CAMTA1: variants seen among roughly 807,000 people sequenced by gnomAD.
CAMTA1 encodes calmodulin-binding transcription activator 1.
Under a neutral mutation model 170.9 loss-of-function variants are expected in CAMTA1, and 27 were observed. The ratio of observed to expected loss-of-function variants is 0.16; its 90% CI spans 0.12 to 0.22. The LOEUF is 0.22. Among genes scored for constraint, CAMTA1 ranks in the 10% least tolerant of loss-of-function variants. The pLI, the probability that CAMTA1 is intolerant of heterozygous loss-of-function variation, is 1.00. For synonymous variants in CAMTA1, 833 were observed against 891.5 expected, an observed-to-expected ratio of 0.93 and a Z score of 1.17; for missense variants, 1,619 against 2,217.2, an observed-to-expected ratio of 0.73 and a Z score of 5.42.
In CAMTA1 at chr1:7,112,735, A is replaced by T. The variant is rs116822132; in HGVS notation, c.302+21364A>T. On this transcript the variant is annotated intron_variant, in intron 4 of 22. Transcript: ENST00000303635. ...GCAGGGTTACAGTTACACGCTGCTG[A>T]ATTGTCCCTTCTGGCTTGTGTGTCT... Among the ~76,000 whole-genome samples the T allele has an allele frequency of 1.4e-3, 211 of 152,276 alleles. 2 individuals carry two copies. The highest frequency in any genetic ancestry group is 5.0e-3 in the African/African-American group (209 of 41,570).
chr1:6,887,754 G>T lies in CAMTA1; in HGVS notation c.234+62544G>T. The T allele has an allele frequency of 3.3e-6, 5 of 1,534,882 alleles. No individual in the cohort carries two copies. The highest frequency in any genetic ancestry group is 1.2e-5 in the South Asian group (1 of 83,966). On this transcript the variant is annotated intron_variant, in intron 3 of 22. Transcript: ENST00000303635. The surrounding 1 kb of genome is among the most constrained non-coding windows in gnomAD (Gnocchi z 4.1). ...ATTGGAATGAAAGCTGGCAGAATTC[G>T]TAGGGAGAGCTTTCCCATCCTGCCA... is the stretch of plus-strand genomic sequence containing the variant.
At chr1:7,253,098 G>A (rs1666865283) in intron 5 of CAMTA1, among the ~76,000 whole-genome samples, 1 of 152,206 alleles carries the variant, frequency 6.6e-6, no homozygotes, top group Non-Finnish European at 1.5e-5. Context: ...GAAGGAAAAA[G>A]AGGGTGGTTG....
At chr1:7,095,257 G>A (rs1641938380) in intron 4 of CAMTA1, among the ~76,000 whole-genome samples, 1 of 152,166 alleles carries the variant, frequency 6.6e-6, no homozygotes. Context: ...AGAACAGTGT[G>A]GACACCTCCC....
chr1:7,494,971 C>T (rs2093802858), intron 6 of CAMTA1, among the ~76,000 whole-genome samples: 2 of 152,068 alleles, frequency 1.3e-5, no homozygotes, highest in South Asian at 4.2e-4. Flanking sequence ...GGGCTGGGAT[C>T]CCGAGACTGT....
intron 1 of CAMTA1, among the ~76,000 whole-genome samples, chr1:6,786,051 C>T (rs1194467415): frequency 1.3e-5 from 2 of 151,688 alleles, no homozygotes; most frequent in African/African-American, 2.4e-5. Context: ...CGGTCCCCGT[C>T]GGGCGGCAGC....
At chr1:7,058,382 T>A (rs1158542440) in intron 3 of CAMTA1, among the ~76,000 whole-genome samples, 4 of 152,194 alleles carry the variant, frequency 2.6e-5, no homozygotes, top group African/African-American at 9.6e-5. Flanking sequence ...ACTTTGTTCG[T>A]GGACCACTTT....
intron 5 of CAMTA1, among the ~76,000 whole-genome samples, chr1:7,430,799 C>A (rs1338545796): frequency 1.3e-5 from 2 of 152,234 alleles, no homozygotes; most frequent in East Asian, 1.9e-4. Context: ...CAAGTAAAAT[C>A]TTTGCTAAAT....
intron 11 of CAMTA1, among the ~76,000 whole-genome samples, chr1:7,683,058 C>G (rs1160869218): frequency 6.6e-6 from 1 of 152,008 alleles, no homozygotes; most frequent in Non-Finnish European, 1.5e-5. Flanking sequence ...GCCTGTTGTC[C>G]CAGCTACTCG....
chr1:7,322,311 G>C (rs1162476345), intron 5 of CAMTA1, among the ~76,000 whole-genome samples: 1 of 152,214 alleles, frequency 6.6e-6, no homozygotes, highest in African/African-American at 2.4e-5. Flanking sequence ...CATTAATTGG[G>C]CTGTTTCTGA....
intron 5 of CAMTA1, among the ~76,000 whole-genome samples, chr1:7,348,439 G>C (rs549103124): frequency 6.6e-6 from 1 of 152,186 alleles, no homozygotes; most frequent in Non-Finnish European, 1.5e-5. Context: ...CCTGGGGGTC[G>C]TGGGGCCCAC....
intron 3 of CAMTA1, among the ~76,000 whole-genome samples, chr1:6,876,763 G>A (rs184608836): frequency 4.6e-5 from 7 of 152,262 alleles, no homozygotes; most frequent in Admixed American, 4.6e-4. Flanking sequence ...GTGATTGTCT[G>A]TCCTAACTTA....
chr1:7,012,851 C>T lies in CAMTA1; in HGVS notation c.235-78453C>T, dbSNP rs115614902. On this transcript the variant is annotated intron_variant, in intron 3 of 22. Transcript: ENST00000303635. The stretch of plus-strand genomic sequence containing the variant: ...AATGTAGCTTCCCGCCATGTGCCTG[C>T]GGGCTGGACTTCCCGTCTGAGCTCC... 3.5e-3 allele frequency among the ~76,000 whole-genome samples: 538 copies of T among 152,274 alleles called. 2 individuals carry two copies. Among genetic ancestry groups the T allele is most frequent in the Middle Eastern group, 0.01 (3 of 294 alleles).
intron 1 of CAMTA1, among the ~76,000 whole-genome samples, chr1:6,787,170 T>A (rs1557537800): frequency 1.3e-5 from 2 of 152,362 alleles, no homozygotes; most frequent in East Asian, 3.9e-4. Flanking sequence ...TTACTTTGAC[T>A]TTTTCTAATT....
At chr1:7,524,523 C>T (rs978605229) in intron 6 of CAMTA1, among the ~76,000 whole-genome samples, 27 of 152,108 alleles carry the variant, frequency 1.8e-4, no homozygotes, top group Admixed American at 1.5e-3. Flanking sequence ...TGGGTGAGGG[C>T]GGTGCAAGCA....
chr1:7,676,980 G>T (rs2096127383), intron 10 of CAMTA1, among the ~76,000 whole-genome samples: 1 of 152,176 alleles, frequency 6.6e-6, no homozygotes, highest in Admixed American at 6.5e-5. Context: ...CTGTCTTCCA[G>T]AGCTTACTGT....
chr1:7,381,227 A>C (rs2087287082), intron 5 of CAMTA1, among the ~76,000 whole-genome samples: 2 of 151,754 alleles, frequency 1.3e-5, no homozygotes, highest in African/African-American at 4.8e-5. Flanking sequence ...ATACGTATAC[A>C]TGTGCCATGC....
At chr1:7,245,734 C>A (rs897809845) in intron 4 of CAMTA1, among the ~76,000 whole-genome samples, 17 of 150,752 alleles carry the variant, frequency 1.1e-4, no homozygotes, top group Non-Finnish European at 4.4e-5. Flanking sequence ...GGAAGGTTTC[C>A]CTGTGGCTGT....
chr1:7,459,563 C>G (rs1261748910), intron 5 of CAMTA1, among the ~76,000 whole-genome samples: 2 of 152,192 alleles, frequency 1.3e-5, no homozygotes, highest in South Asian at 2.1e-4. Flanking sequence ...ATTTTTACCC[C>G]CTTCTGTGAG....
chr1:7,645,299 C>A (rs1022075752), intron 7 of CAMTA1, among the ~76,000 whole-genome samples: 8 of 152,240 alleles, frequency 5.3e-5, no homozygotes, highest in Non-Finnish European at 1.0e-4. Context: ...CCCTTGGCTC[C>A]ACTGGAACCT....
Sources: gnomAD v4.1 joint callset for allele counts (sites outside exome capture counted in the v4.1 genomes callset) on GRCh38, gnomAD v4.1.1 for gene constraint, Gnocchi (gnomAD v3.1) non-coding constraint, MANE v1.5 for transcripts, NCBI Gene and HGNC (gene_info 2026-07-23, HGNC 2026-07-21) for gene names.